The following DPP6 variants were observed in gnomAD, a reference collection of about 807,000 sequenced individuals.
The protein encoded by DPP6 is A-type potassium channel modulatory protein DPP6.
Under a neutral mutation model 122.6 loss-of-function variants are expected in DPP6, and 69 were observed. The observed-to-expected ratio is 0.56, with a 90% CI of 0.46 to 0.69. DPP6 has a LOEUF of 0.69. Ranked by LOEUF, DPP6 falls within the 30% of genes least tolerant of loss-of-function variation. DPP6 has a pLI of 0.00. For synonymous variants in DPP6, 418 were observed against 433.1 expected (o/e 0.97, Z 0.43); for missense variants, 928 against 1,116.9 (o/e 0.83, Z 2.41).
intron 16 of DPP6, among the ~76,000 whole-genome samples, chr7:154,837,711 G>T (rs970862873): frequency 1.3e-5 from 2 of 152,296 alleles, no homozygotes; most frequent in Admixed American, 6.5e-5. Flanking sequence ...TTTGTGTTCC[G>T]CTTTCAACTT....
intron 16 of DPP6, among the ~76,000 whole-genome samples, chr7:154,853,081 CA>C (rs1447565136): frequency 6.6e-6 from 1 of 152,004 alleles, no homozygotes; most frequent in Non-Finnish European, 1.5e-5. Flanking sequence ...TTAATGTTTT[CA>C]AAAAGATATA....
intron 1 of DPP6, among the ~76,000 whole-genome samples, chr7:153,901,593 C>T (rs1054905157): frequency 2.6e-5 from 4 of 152,190 alleles, no homozygotes; most frequent in Admixed American, 6.5e-5. Context: ...CTCTTGCTGA[C>T]GGTGATGTCA....
chr7:153,773,848 G>A, the DPP6 span, among the ~76,000 whole-genome samples: 1 of 129,994 alleles, frequency 7.7e-6, no homozygotes, highest in Non-Finnish European at 1.6e-5. Context: ...AAATAATAAA[G>A]ATGGCAACAA....
chr7:154,098,655 T>C (rs1311231250), intron 1 of DPP6, among the ~76,000 whole-genome samples: 7 of 151,526 alleles, frequency 4.6e-5, no homozygotes, highest in African/African-American at 1.7e-4. Context: ...ATGTGCCCCA[T>C]CTCTTTATGT....
chr7:153,983,895 A>G (rs1796714644), intron 1 of DPP6, among the ~76,000 whole-genome samples: 1 of 151,908 alleles, frequency 6.6e-6, no homozygotes, highest in African/African-American at 2.4e-5. Context: ...AACCAGTCCC[A>G]GTGAGACGGA....
At chr7:154,395,992 G>A (rs1159504028) in intron 1 of DPP6, among the ~76,000 whole-genome samples, 2 of 149,814 alleles carry the variant, frequency 1.3e-5, no homozygotes, top group Non-Finnish European at 1.5e-5. Flanking sequence ...TCTGTCAAAT[G>A]CTTTTTCTGC....
chr7:154,305,183 G>T, intron 1 of DPP6: 1 of 1,009,870 alleles, frequency 9.9e-7, no homozygotes, highest in South Asian at 4.3e-5. Flanking sequence ...CCTGCACCCA[G>T]CCGCCACTTG....
chr7:153,846,798 T>G, the DPP6 span, among the ~76,000 whole-genome samples: 1 of 149,500 alleles, frequency 6.7e-6, no homozygotes, highest in Admixed American at 6.7e-5. Context: ...GTTCACGCCA[T>G]TCTCCTGCCT....
chr7:153,956,019 A>G (rs952496840), intron 1 of DPP6, among the ~76,000 whole-genome samples: 2 of 152,212 alleles, frequency 1.3e-5, no homozygotes, highest in East Asian at 1.9e-4. Flanking sequence ...TGAGAAGCAG[A>G]TGGATGTTCA....
intron 1 of DPP6, among the ~76,000 whole-genome samples, chr7:154,347,060 G>A (rs142966191): frequency 1.8e-4 from 27 of 152,166 alleles, no homozygotes; most frequent in African/African-American, 5.8e-4. Context: ...ACACACACAC[G>A]TGCACAAATT....
At chr7:154,509,755 G>A (rs1167282914) in intron 3 of DPP6, among the ~76,000 whole-genome samples, 2 of 152,072 alleles carry the variant, frequency 1.3e-5, no homozygotes, top group Admixed American at 6.5e-5. Flanking sequence ...ACATTATTTG[G>A]CCATAAAAAG....
intron 5 of DPP6, among the ~76,000 whole-genome samples, chr7:154,609,570 C>T (rs1833781066): frequency 6.6e-6 from 1 of 152,210 alleles, no homozygotes; most frequent in South Asian, 2.1e-4. Context: ...CTGTCTCTCT[C>T]ATTCACACAC....
chr7:154,302,502 C>T (rs971317765), intron 1 of DPP6, among the ~76,000 whole-genome samples: 1 of 152,194 alleles, frequency 6.6e-6, no homozygotes, highest in Non-Finnish European at 1.5e-5. Context: ...CTAAACTTCC[C>T]CACCTGGAGG....
At position 154,699,416 on chromosome 7, in the gene DPP6, C is replaced by T. The variant is rs555449362; in HGVS notation, c.763-28351C>T. ...AAAGATTTGTGGAGTGAGAGAGTGC[C>T]TCCCACTGCTTTCTACCAGTCAATA... On this transcript the variant is annotated intron_variant, in intron 7 of 25. Transcript: ENST00000377770. Among the ~76,000 whole-genome samples the T allele has an allele frequency of 2.6e-5, 4 of 152,316 alleles. No individual in the cohort carries two copies. The South Asian group carries it at 8.3e-4, about 32-fold the overall frequency.
intron 1 of DPP6, among the ~76,000 whole-genome samples, chr7:154,419,553 TC>T (rs1223508154): frequency 1.3e-5 from 2 of 152,192 alleles, no homozygotes; most frequent in Non-Finnish European, 2.9e-5. Flanking sequence ...GTTGTGCACT[TC>T]ACCAGCGACC....
At chr7:154,178,239 T>C (rs1797902957) in intron 1 of DPP6, among the ~76,000 whole-genome samples, 1 of 152,150 alleles carries the variant, frequency 6.6e-6, no homozygotes, top group South Asian at 2.1e-4. Flanking sequence ...CATCCTCCAA[T>C]TACTATAGAA....
intron 5 of DPP6, among the ~76,000 whole-genome samples, chr7:154,593,894 T>C (rs1832944689): frequency 6.6e-6 from 1 of 152,206 alleles, no homozygotes; most frequent in African/African-American, 2.4e-5. Context: ...CAATTATAGA[T>C]TGTCACCATA....
intron 2 of DPP6, among the ~76,000 whole-genome samples, chr7:154,458,791 G>C (rs908926340): frequency 5.3e-5 from 8 of 152,178 alleles, no homozygotes; most frequent in Non-Finnish European, 7.3e-5. Flanking sequence ...ACCATGAACT[G>C]GACAACAACT....
intron 1 of DPP6, among the ~76,000 whole-genome samples, chr7:154,412,637 A>G (rs1033215943): frequency 6.6e-6 from 1 of 152,112 alleles, no homozygotes; most frequent in African/African-American, 2.4e-5. Context: ...GAAATGCTTT[A>G]CTTTCTAATT....
Sources: gnomAD v4.1 joint callset for allele counts (sites outside exome capture counted in the v4.1 genomes callset) on GRCh38, gnomAD v4.1.1 for gene constraint, MANE v1.5 for transcripts, NCBI Gene and HGNC (gene_info 2026-07-23, HGNC 2026-07-21) for gene names.